The following OAS2 variants were observed in gnomAD, a reference collection of about 807,000 sequenced individuals.
OAS2 encodes 2'-5'-oligoadenylate synthase 2.
Under a neutral mutation model 71.3 loss-of-function variants are expected in OAS2, and 67 were observed. The ratio of observed to expected loss-of-function variants is 0.94; its 90% CI spans 0.77 to 1.15. OAS2 has a LOEUF of 1.15. Among genes scored for constraint, OAS2 ranks in the 50% most tolerant of loss-of-function variants. The probability of loss-of-function intolerance (pLI) is 0.00; values close to 1 mark genes in which losing one functional copy is unlikely to be tolerated. For synonymous variants in OAS2, 327 were observed against 321.8 expected (o/e 1.02, Z -0.17); for missense variants, 789 against 822.5 (o/e 0.96, Z 0.50).
chr12:112,981,491 T>G (rs1181275799), intron 1 of OAS2, among the ~76,000 whole-genome samples: 2 of 152,160 alleles, frequency 1.3e-5, no homozygotes, highest in Admixed American at 6.5e-5. Flanking sequence ...CCCTAATGTG[T>G]GTTCATGGTG....
chr12:112,988,241 T>A, intron 2 of OAS2: 1 of 984,698 alleles, frequency 1.0e-6, no homozygotes, highest in Non-Finnish European at 1.2e-6. Context: ...AAGAAGAAAA[T>A]TCTTGGCCAA....
At chr12:113,008,338 C>A (rs982512796) in intron 9 of OAS2, among the ~76,000 whole-genome samples, 2 of 151,474 alleles carry the variant, frequency 1.3e-5, no homozygotes, top group African/African-American at 4.9e-5. Context: ...GGGCCACCAG[C>A]AAGGGACAAA....
At chr12:112,989,282 G>A (rs1229444015) in intron 2 of OAS2, among the ~76,000 whole-genome samples, 3 of 152,166 alleles carry the variant, frequency 2.0e-5, no homozygotes, top group Non-Finnish European at 2.9e-5. Context: ...CTTCCACCAT[G>A]ATTGTGAGGC....
intron 2 of OAS2, among the ~76,000 whole-genome samples, chr12:112,989,482 G>A (rs1565991705): frequency 6.6e-6 from 1 of 152,310 alleles, no homozygotes; most frequent in East Asian, 1.9e-4. Flanking sequence ...ACTCAAAGTG[G>A]GGGCTTCCAG....
chr12:113,001,988 T>G (rs1040745638), intron 5 of OAS2, among the ~76,000 whole-genome samples: 4 of 151,702 alleles, frequency 2.6e-5, no homozygotes, highest in Middle Eastern at 3.4e-3. Context: ...TGAGCTATAA[T>G]GGCACCACTG....
chr12:112,988,909 A>G (rs2044165375), intron 2 of OAS2: 2 of 180,142 alleles, frequency 1.1e-5, no homozygotes, highest in Non-Finnish European at 2.1e-5. Context: ...CTGTAAACCA[A>G]AAGTATCTGA....
chr12:112,994,277 A>G (rs1417603773), intron 2 of OAS2, among the ~76,000 whole-genome samples: 2 of 152,196 alleles, frequency 1.3e-5, no homozygotes, highest in Non-Finnish European at 2.9e-5. Flanking sequence ...CTGATCTCCC[A>G]TCTCCTCAGC....
chr12:113,001,199 T>C (rs761898124), intron 5 of OAS2, among the ~76,000 whole-genome samples: 1 of 151,266 alleles, frequency 6.6e-6, no homozygotes, highest in Non-Finnish European at 1.5e-5. Flanking sequence ...ATAAATAAAT[T>C]AGCTGTAGTC....
chr12:112,994,509 C>G (rs557087201), intron 2 of OAS2, among the ~76,000 whole-genome samples: 1 of 152,150 alleles, frequency 6.6e-6, no homozygotes, highest in Non-Finnish European at 1.5e-5. Context: ...GCAACATCCA[C>G]CTCTCGGGGT....
intron 2 of OAS2, chr12:112,988,588 TATGTAA>T: frequency 1.0e-6 from 1 of 984,642 alleles, no homozygotes; most frequent in Non-Finnish European, 1.2e-6. Flanking sequence ...AAACTTAAAA[TATGTAA>T]GGAGGCAGCT....
chr12:112,985,326 C>G (rs2044124107), intron 1 of OAS2, among the ~76,000 whole-genome samples: 1 of 152,144 alleles, frequency 6.6e-6, no homozygotes, highest in South Asian at 2.1e-4. Flanking sequence ...GGCACATAGG[C>G]TTTCTTCACT....
chr12:113,010,638 C>A lies in OAS2; in HGVS notation c.*1383C>A. ...TGCAAACCCTTTCATAAAGTCTTGC[C>A]TTGCTGAACTCCCTCTCTGCAGGCA... On this transcript the variant is annotated 3_prime_UTR_variant, in exon 10 of 10. Transcript: ENST00000392583. 1 of 1,138,380 alleles carries A rather than the reference C, an allele frequency of 8.8e-7. No individual in the cohort carries two copies. The highest frequency in any genetic ancestry group is 1.2e-6 in the Non-Finnish European group (1 of 866,310). The allele number at this position is 1,138,380 out of a possible 1,614,324, so 70.5% of individuals were successfully genotyped here.
At chr12:113,001,385 T>TAC (rs909515114) in intron 5 of OAS2, among the ~76,000 whole-genome samples, 11 of 49,952 alleles carry the variant, frequency 2.2e-4, no homozygotes, top group East Asian at 0.029. Context: ...CACACACATA[T>TAC]ACACATATAT....
chr12:113,007,925 G>A lies in OAS2; in HGVS notation c.1877G>A (p.Ser626Asn). The A allele has an allele frequency of 1.2e-6, 2 of 1,613,892 alleles. No individual in the cohort carries two copies. Among genetic ancestry groups the A allele is most frequent in the African/African-American group, 1.3e-5 (1 of 75,036 alleles). ...GAGACCGTGAGGAAGTTTCTACTGA[G>A]CCAGTTGCAGAAAACCAGGTGCCTT... ...EDETVRKFLL[S>N]QLQKTRPVIL... Residue 626 changes from serine to asparagine, a missense_variant, in exon 9 of 10, where the codon AGC becomes AAC. Coordinates refer to ENST00000392583, the MANE Select transcript of OAS2 (RefSeq NM_002535.3).
Position 112,997,673 on chromosome 12 carries a change from CTG to C in OAS2, c.785_786del (p.Cys262TyrfsTer10), listed in dbSNP as rs1200103173. On this transcript the variant is annotated frameshift_variant, in exon 4 of 10. Coordinates refer to ENST00000392583, the MANE Select transcript of OAS2 (RefSeq NM_002535.3). LOFTEE classifies it high-confidence loss of function. ...GGAGCTGATCAAATGCCAGGAGAAG[CTG>C]TGTATCTATTGGATGGTCAACTACA... is the stretch of plus-strand genomic sequence containing the variant. ...VLELIKCQEK[L>X]CIYWMVNYNF... is the part of the protein sequence containing the mutation. The C allele has an allele frequency of 1.2e-6, 2 of 1,614,024 alleles. No individual in the cohort carries two copies. The highest frequency in any genetic ancestry group is 1.6e-4 in the Middle Eastern group (1 of 6,062).
Position 112,978,875 on chromosome 12 carries a change from T to A in OAS2, c.177+90T>A, listed in dbSNP as rs568491284. On this transcript the variant is annotated intron_variant, in intron 1 of 9. Transcript: ENST00000392583. The surrounding 1 kb of genome is among the most constrained non-coding windows in gnomAD (Gnocchi z 4.2). Reference sequence around the variant, plus strand: ...GCTACTGGGTGCTGGGTGCCTATTATGTGCGAGGCCCACACTTGGGTGGGA... The same window carrying A: ...GCTACTGGGTGCTGGGTGCCTATTAAGTGCGAGGCCCACACTTGGGTGGGA... The A allele has an allele frequency of 7.8e-7, 1 of 1,276,764 alleles. No individual in the cohort carries two copies. The highest frequency in any genetic ancestry group is 1.5e-5 in the African/African-American group (1 of 66,874). The allele number at this position is 1,276,764 out of a possible 1,614,324, so 79.1% of individuals were successfully genotyped here. A position where few individuals can be genotyped will look rare whatever the true frequency, so the allele number is the denominator to read the frequency against.
At position 113,006,591 on chromosome 12, in the gene OAS2, G is replaced by T; in HGVS notation, c.1647G>T (p.Trp549Cys). ...ATTTAATTCGCCTGGTGAAGCACTGGTACAAAGAGGTAAGGACAGTCTTTG... is the reference window on the plus strand; with the variant it reads ...ATTTAATTCGCCTGGTGAAGCACTGTTACAAAGAGGTAAGGACAGTCTTTG... ...LKDLIRLVKH[W>C]YKECERKLKP... is the part of the protein sequence containing the mutation. Residue 549 changes from tryptophan to cysteine, a missense_variant, in exon 8 of 10, where the codon TGG becomes TGT. Trp to Cys is a radical substitution (Grantham distance 215). Coordinates refer to ENST00000392583, the MANE Select transcript of OAS2 (RefSeq NM_002535.3). 1.2e-6 allele frequency: 2 copies of T among 1,603,042 alleles called. No individual in the cohort carries two copies. Among genetic ancestry groups the T allele is most frequent in the South Asian group, 2.2e-5 (2 of 90,136 alleles).
chr12:113,004,282 C>T (rs1375524732), intron 6 of OAS2, among the ~76,000 whole-genome samples: 1 of 152,156 alleles, frequency 6.6e-6, no homozygotes, highest in Non-Finnish European at 1.5e-5. Flanking sequence ...TAGAACATAC[C>T]CTTTCCTCAC....
intron 2 of OAS2, chr12:112,988,758 C>G (rs915872934): frequency 4.1e-6 from 4 of 982,274 alleles, no homozygotes; most frequent in Non-Finnish European, 4.8e-6. Context: ...TGAGGATGCC[C>G]TACCCTGTAA....
Sources: allele counts gnomAD v4.1 joint callset (sites outside exome capture counted in the v4.1 genomes callset), GRCh38; gene constraint gnomAD v4.1.1; non-coding constraint Gnocchi (gnomAD v3.1); transcripts MANE v1.5; gene names NCBI Gene and HGNC (gene_info 2026-07-23, HGNC 2026-07-21).